ZNF385D: variants seen among roughly 807,000 people sequenced by gnomAD.
The protein encoded by ZNF385D is zinc finger protein 385D, also known as zinc finger protein 659.
In ZNF385D, 15 loss-of-function variants were observed where a neutral mutation model predicts 35.8. The ratio of observed to expected loss-of-function variants is 0.42; its 90% CI spans 0.28 to 0.64. The LOEUF (loss-of-function observed/expected upper bound fraction) is 0.64. ZNF385D is among the 30% of genes least tolerant of loss of function. The pLI is 0.23. For synonymous variants in ZNF385D, 212 were observed against 186.8 expected (o/e 1.13, Z -1.10); for missense variants, 474 against 494.6 (o/e 0.96, Z 0.39).
chr3:22,040,021 C>T (rs1216949208), intron 3 of ZNF385D, among the ~76,000 whole-genome samples: 2 of 152,092 alleles, frequency 1.3e-5, no homozygotes, highest in Non-Finnish European at 2.9e-5. Context: ...CGCCATGCAC[C>T]GTTGCCTCAA....
intron 5 of ZNF385D, among the ~76,000 whole-genome samples, chr3:21,435,896 G>T (rs1478922473): frequency 2.0e-5 from 3 of 152,110 alleles, no homozygotes; most frequent in Admixed American, 2.0e-4. Flanking sequence ...TGAAGAAATT[G>T]TTCTCCATCT....
At chr3:21,765,277 T>C (rs906941495) in intron 3 of ZNF385D, among the ~76,000 whole-genome samples, 27 of 152,048 alleles carry the variant, frequency 1.8e-4, no homozygotes, top group Admixed American at 8.5e-4. Context: ...CTGACTTATT[T>C]TGCTAGAAAT....
intron 4 of ZNF385D, among the ~76,000 whole-genome samples, chr3:21,508,528 T>C (rs556840999): frequency 1.3e-5 from 2 of 152,116 alleles, no homozygotes; most frequent in Non-Finnish European, 2.9e-5. Context: ...ATTACTGATA[T>C]TTGTTATATA....
chr3:21,846,935 T>C lies in ZNF385D; in HGVS notation c.326-181907A>G, dbSNP rs187920131. 4.6e-5 allele frequency among the ~76,000 whole-genome samples: 7 copies of C among 152,188 alleles called. No homozygotes were observed. In the East Asian group the frequency reaches 1.4e-3, roughly 30 times the overall value. ...CTATTAGTGGTTTGCCTGATTTCCT[T>C]AATCCTATGAAGCTATGGCATAAAA... On this transcript the variant is annotated intron_variant, in intron 3 of 5. Coordinates refer to the ZNF385D transcript ENST00000494108.
At chr3:21,613,019 G>T (rs1411372137) in intron 2 of ZNF385D, among the ~76,000 whole-genome samples, 1 of 146,150 alleles carries the variant, frequency 6.8e-6, no homozygotes, top group African/African-American at 2.5e-5. Context: ...CAAAACCAGG[G>T]TACTAAAGAA....
intron 3 of ZNF385D, among the ~76,000 whole-genome samples, chr3:21,769,128 T>C (rs1575617218): frequency 6.6e-6 from 1 of 152,106 alleles, no homozygotes; most frequent in South Asian, 2.1e-4. Flanking sequence ...GATAATATCA[T>C]ACTGAATGGG....
intron 2 of ZNF385D, among the ~76,000 whole-genome samples, chr3:22,203,316 G>C (rs1439677868): frequency 6.6e-6 from 1 of 152,070 alleles, no homozygotes; most frequent in Admixed American, 6.6e-5. Flanking sequence ...GCCTGAAGGG[G>C]AGAACCCAGT....
chr3:21,433,099 C>T (rs1203007869), intron 5 of ZNF385D, among the ~76,000 whole-genome samples: 1 of 151,992 alleles, frequency 6.6e-6, no homozygotes, highest in Non-Finnish European at 1.5e-5. Flanking sequence ...ACTGACTTGC[C>T]CAGGTCCATA....
In ZNF385D at chr3:21,747,033, G is replaced by T. The variant is rs796773935; in HGVS notation, c.22+3862C>A. ...GTTCTGTCCTAGAATTTTCCTACTAGATTTTCTTTTTTTTTTTTTTTTAGC... is the reference window on the plus strand; with the variant it reads ...GTTCTGTCCTAGAATTTTCCTACTATATTTTCTTTTTTTTTTTTTTTTAGC... On this transcript the variant is annotated intron_variant, in intron 1 of 7. Coordinates refer to ENST00000281523, the MANE Select transcript of ZNF385D (RefSeq NM_024697.3). Among the ~76,000 whole-genome samples the T allele has an allele frequency of 1.5e-3, 199 of 130,942 alleles. 3 individuals carry two copies. The highest frequency in any genetic ancestry group is 4.7e-3 in the African/African-American group (178 of 37,920). The allele number at this position is 130,942 out of a possible 152,430, so 85.9% of individuals were successfully genotyped here. A position where few individuals can be genotyped will look rare whatever the true frequency, so the allele number is the denominator to read the frequency against.
chr3:21,900,068 G>C (rs1173487326), intron 3 of ZNF385D, among the ~76,000 whole-genome samples: 1 of 152,136 alleles, frequency 6.6e-6, no homozygotes, highest in African/African-American at 2.4e-5. Flanking sequence ...AAGAGTCTAA[G>C]TAGGTTATTT....
chr3:21,713,326 T>C (rs1575513810), intron 1 of ZNF385D, among the ~76,000 whole-genome samples: 1 of 152,332 alleles, frequency 6.6e-6, no homozygotes, highest in East Asian at 1.9e-4. Flanking sequence ...ACTTGAGTGC[T>C]CTGCAATCTT....
At chr3:21,618,022 C>A (rs569325104) in intron 2 of ZNF385D, among the ~76,000 whole-genome samples, 1 of 152,214 alleles carries the variant, frequency 6.6e-6, no homozygotes, top group African/African-American at 2.4e-5. Context: ...TATTTCTTTT[C>A]TCCTATGCAG....
intron 1 of ZNF385D, among the ~76,000 whole-genome samples, chr3:21,720,809 G>A (rs2068509255): frequency 6.6e-6 from 1 of 152,156 alleles, no homozygotes; most frequent in Admixed American, 6.5e-5. Context: ...TTAATTTAAA[G>A]ACCTTCTATT....
At chr3:21,759,001 A>AAAAAAAAAAAC (rs1559593528) in intron 3 of ZNF385D, among the ~76,000 whole-genome samples, 4 of 133,144 alleles carry the variant, frequency 3.0e-5, no homozygotes, top group Non-Finnish European at 4.9e-5. Flanking sequence ...AAAAAAAAAA[A>AAAAAAAAAAAC]AAAAACAGTG....
intron 3 of ZNF385D, among the ~76,000 whole-genome samples, chr3:22,096,387 T>C (rs994786135): frequency 7.2e-5 from 11 of 152,044 alleles, no homozygotes; most frequent in African/African-American, 2.7e-4. Flanking sequence ...TATGGCTTAT[T>C]GTTTAAATAG....
At chr3:22,212,580 C>G (rs1287395931) in intron 2 of ZNF385D, among the ~76,000 whole-genome samples, 1 of 151,900 alleles carries the variant, frequency 6.6e-6, no homozygotes, top group Non-Finnish European at 1.5e-5. Flanking sequence ...TTAAACAAAT[C>G]AAGCTTAATG....
intron 1 of ZNF385D, among the ~76,000 whole-genome samples, chr3:21,721,812 A>G (rs2068552508): frequency 6.6e-6 from 1 of 152,194 alleles, no homozygotes; most frequent in Non-Finnish European, 1.5e-5. Flanking sequence ...TTAAAGAGAT[A>G]TTTGTGGCCA....
chr3:22,327,579 A>C (rs954994128), intron 2 of ZNF385D, among the ~76,000 whole-genome samples: 1 of 152,204 alleles, frequency 6.6e-6, no homozygotes, highest in Non-Finnish European at 1.5e-5. Flanking sequence ...AGACTAACAC[A>C]AATCTCCATG....
chr3:21,610,867 G>A (rs1039939249), intron 2 of ZNF385D, among the ~76,000 whole-genome samples: 2 of 152,116 alleles, frequency 1.3e-5, no homozygotes, highest in African/African-American at 4.8e-5. Context: ...CTGGAAGACT[G>A]CAATCAGGAT....
Sources: gnomAD v4.1 joint callset for allele counts (sites outside exome capture counted in the v4.1 genomes callset) on GRCh38, gnomAD v4.1.1 for gene constraint, MANE v1.5 for transcripts, NCBI Gene and HGNC (gene_info 2026-07-23, HGNC 2026-07-21) for gene names.